Variants in CDH13 observed in about 807,000 individuals in gnomAD.
CDH13 encodes the protein cadherin-13.
A neutral mutation model predicts 63.8 loss-of-function variants in CDH13; 24 were observed. The ratio of observed to expected loss-of-function variants is 0.38; its 90% CI spans 0.27 to 0.53. CDH13 has a LOEUF of 0.53. CDH13 is among the 20% of genes least tolerant of loss of function. The probability of loss-of-function intolerance (pLI) is 0.85; values close to 1 mark genes in which losing one functional copy is unlikely to be tolerated. For synonymous variants in CDH13, 503 were observed against 355.3 expected (o/e 1.42, Z -4.67); for missense variants, 1,049 against 903.1 (o/e 1.16, Z -2.07).
intron 1 of CDH13, among the ~76,000 whole-genome samples, chr16:82,703,999 C>G (rs993387728): frequency 1.3e-5 from 2 of 152,160 alleles, no homozygotes; most frequent in Admixed American, 1.3e-4. Flanking sequence ...CGGTTTTTCT[C>G]CTTTCTGCTT....
At chr16:83,476,224 T>G (rs895243722) in intron 6 of CDH13, among the ~76,000 whole-genome samples, 2 of 152,228 alleles carry the variant, frequency 1.3e-5, no homozygotes, top group Admixed American at 1.3e-4. Flanking sequence ...AGCAGCATCC[T>G]TGATCTCTAC....
chr16:83,343,914 C>G (rs1269857395), intron 5 of CDH13, among the ~76,000 whole-genome samples: 3 of 152,190 alleles, frequency 2.0e-5, no homozygotes, highest in African/African-American at 7.2e-5. Flanking sequence ...AAAGTAAGCA[C>G]TGGATAAGTG....
In CDH13 at chr16:83,125,592, G is replaced by T. The variant is rs542827562; in HGVS notation, c.483+91G>T. 4.4e-6 allele frequency: 3 copies of T among 688,850 alleles called. No individual in the cohort carries two copies. In the Admixed American group the frequency reaches 7.1e-5, roughly 16 times the overall value. The allele number at this position is 688,850 out of a possible 1,614,324, so 42.7% of individuals were successfully genotyped here. On this transcript the variant is annotated intron_variant, in intron 4 of 13. Coordinates refer to ENST00000567109, the MANE Select transcript of CDH13 (RefSeq NM_001257.5). ...GTATGACTGTCTTGGTGACCAGCTG[G>T]AATTAGTCTTCATCTGTCTATGATA...
intron 4 of CDH13, among the ~76,000 whole-genome samples, chr16:83,197,450 T>C (rs551918084): frequency 6.6e-6 from 1 of 152,304 alleles, no homozygotes; most frequent in South Asian, 2.1e-4. Flanking sequence ...TTGACTATGG[T>C]CACCTGTTCA....
intron 3 of CDH13, among the ~76,000 whole-genome samples, chr16:83,059,035 C>G (rs943067045): frequency 2.0e-5 from 3 of 152,070 alleles, no homozygotes; most frequent in Non-Finnish European, 4.4e-5. Flanking sequence ...AAGCCCAGGA[C>G]AAGTGGTCAG....
intron 10 of CDH13, among the ~76,000 whole-genome samples, chr16:83,699,681 AT>A (rs1320922465): frequency 1.3e-5 from 2 of 152,194 alleles, no homozygotes; most frequent in Non-Finnish European, 2.9e-5. Flanking sequence ...TGTCATCAGA[AT>A]TGGTTGCATG....
chr16:83,173,788 T>C (rs1002543768), intron 4 of CDH13, among the ~76,000 whole-genome samples: 14 of 152,082 alleles, frequency 9.2e-5, no homozygotes, highest in African/African-American at 2.9e-4. Context: ...CTGCCCAAAC[T>C]GAGGTTGTAC....
chr16:82,917,449 C>G (rs1041108330), intron 2 of CDH13, among the ~76,000 whole-genome samples: 2 of 152,096 alleles, frequency 1.3e-5, no homozygotes, highest in African/African-American at 4.8e-5. Context: ...TCCTGGCTAT[C>G]TAACTGTGAA....
At chr16:83,622,119 G>A (rs1157237040) in intron 8 of CDH13, among the ~76,000 whole-genome samples, 1 of 152,192 alleles carries the variant, frequency 6.6e-6, no homozygotes, top group African/African-American at 2.4e-5. Context: ...GTGAGGCACT[G>A]TTCGAGATGC....
chr16:83,020,532 C>G (rs994312054), intron 2 of CDH13, among the ~76,000 whole-genome samples: 3 of 152,184 alleles, frequency 2.0e-5, no homozygotes, highest in African/African-American at 7.2e-5. Flanking sequence ...TGGGGCCACC[C>G]TGCTGCTCAG....
At chr16:83,383,129 C>G (rs753688860) in intron 6 of CDH13, 1 of 152,170 alleles carries the variant, frequency 6.6e-6, no homozygotes, top group African/African-American at 2.4e-5. Context: ...GAATGCAGCC[C>G]TACATTCTGC....
intron 5 of CDH13, among the ~76,000 whole-genome samples, chr16:83,343,825 C>T (rs1219453580): frequency 3.3e-5 from 5 of 152,194 alleles, no homozygotes; most frequent in Admixed American, 2.6e-4. Flanking sequence ...TTTATCTTCT[C>T]TTTGCTTTCA....
chr16:83,438,305 C>G (rs2072378787), intron 6 of CDH13, among the ~76,000 whole-genome samples: 1 of 152,172 alleles, frequency 6.6e-6, no homozygotes, highest in African/African-American at 2.4e-5. Flanking sequence ...CATTTTGGAT[C>G]ACAGGGTGGA....
chr16:83,666,846 C>T (rs1000487060), intron 8 of CDH13, among the ~76,000 whole-genome samples: 1 of 145,570 alleles, frequency 6.9e-6, no homozygotes, highest in African/African-American at 2.5e-5. Context: ...TACACACACA[C>T]ACACAGACTC....
At chr16:82,943,768 G>A (rs1025615578) in intron 2 of CDH13, among the ~76,000 whole-genome samples, 1 of 152,232 alleles carries the variant, frequency 6.6e-6, no homozygotes, top group Admixed American at 6.5e-5. Context: ...TTACACAGAT[G>A]TCTCTCAAGG....
intron 7 of CDH13, among the ~76,000 whole-genome samples, chr16:83,598,618 G>A (rs944865890): frequency 1.3e-5 from 2 of 152,066 alleles, no homozygotes; most frequent in African/African-American, 2.4e-5. Context: ...CCTACCTACG[G>A]AACATCTGAA....
At chr16:83,345,377 T>C (rs1298152956) in intron 6 of CDH13, among the ~76,000 whole-genome samples, 42 of 152,206 alleles carry the variant, frequency 2.8e-4, no homozygotes, top group Admixed American at 2.7e-3. Flanking sequence ...TACAAACTCC[T>C]CAGTTCTTTC....
At chr16:82,809,499 C>T (rs1004964057) in intron 1 of CDH13, among the ~76,000 whole-genome samples, 9 of 152,182 alleles carry the variant, frequency 5.9e-5, no homozygotes, top group African/African-American at 2.2e-4. Flanking sequence ...TGAGCAGCTT[C>T]TTTAAGCGTG....
chr16:82,668,232 C>T (rs538155926), intron 1 of CDH13, among the ~76,000 whole-genome samples: 92 of 152,214 alleles, frequency 6.0e-4, no homozygotes, highest in Non-Finnish European at 1.0e-3. Context: ...GGTTGTTCCC[C>T]GTGTCCTATG....
Sources: gnomAD v4.1 joint callset for allele counts (sites outside exome capture counted in the v4.1 genomes callset) on GRCh38, gnomAD v4.1.1 for gene constraint, MANE v1.5 for transcripts, NCBI Gene and HGNC (gene_info 2026-07-23, HGNC 2026-07-21) for gene names.